DLGAP1: variants seen among roughly 807,000 people sequenced by gnomAD.
DLGAP1 encodes the protein DLG associated protein 1, also known as disks large-associated protein 1.
A neutral mutation model predicts 90.8 loss-of-function variants in DLGAP1; 11 were observed. That is an observed-to-expected ratio of 0.12 (90% CI 0.08 to 0.20). The LOEUF is 0.20. Ranked by LOEUF, DLGAP1 falls within the 10% of genes least tolerant of loss-of-function variation. DLGAP1 has a pLI of 1.00. For missense variants in DLGAP1, 1,050 were observed against 1,333.8 expected (o/e 0.79, Z 3.31); for synonymous variants, 558 against 540.7 (o/e 1.03, Z -0.44).
intron 7 of DLGAP1, among the ~76,000 whole-genome samples, chr18:3,585,180 C>T (rs917765896): frequency 1.1e-4 from 17 of 152,202 alleles, no homozygotes; most frequent in African/African-American, 2.9e-4. Flanking sequence ...GAGTCAGGAG[C>T]GAGCCAGCCA....
At chr18:4,336,078 T>A (rs1458563243) in intron 1 of DLGAP1, among the ~76,000 whole-genome samples, 5 of 152,216 alleles carry the variant, frequency 3.3e-5, no homozygotes. Context: ...CTGCCTGTTA[T>A]CACTATTAGC....
At chr18:3,639,093 C>T (rs891172350) in intron 7 of DLGAP1, among the ~76,000 whole-genome samples, 6 of 152,144 alleles carry the variant, frequency 3.9e-5, no homozygotes, top group East Asian at 1.9e-4. Context: ...CAGTGGCTCA[C>T]GCCTGTAATC....
chr18:4,129,992 T>C (rs768734207), intron 2 of DLGAP1, among the ~76,000 whole-genome samples: 1 of 152,180 alleles, frequency 6.6e-6, no homozygotes, highest in Non-Finnish European at 1.5e-5. Context: ...CATTATATTT[T>C]CTTAGAAAAA....
chr18:4,273,891 TTCTC>T lies in DLGAP1; in HGVS notation c.-266-122608_-266-122605del, dbSNP rs200406636. ...TTACTTCTGATTTTAGTAATTTGTC[TTCTC>T]TCTTTTTTTTCTTGATCATCAGTCT... is the stretch of plus-strand genomic sequence containing the variant. On this transcript the variant is annotated intron_variant, in intron 1 of 12. Transcript: ENST00000315677. Among the ~76,000 whole-genome samples, 991 of 142,316 alleles carry T rather than the reference TTCTC, an allele frequency of 7.0e-3. 7 individuals carry two copies. The highest frequency in any genetic ancestry group is 0.026 in the African/African-American group (899 of 35,046). The allele number at this position is 142,316 out of a possible 152,430, so 93.4% of individuals were successfully genotyped here.
rs1470245997 is a variant in DLGAP1, at chr18:3,953,639, A to G, written c.-73+51477T>C. 2.0e-5 allele frequency among the ~76,000 whole-genome samples: 3 copies of G among 152,328 alleles called. No homozygotes were observed. The East Asian group carries it at 5.8e-4, about 29-fold the overall frequency. ...CTTTGCTATTGTGATTAGCGCTGAG[A>G]TAAACATATAAGTGCAAGTATATTT... On this transcript the variant is annotated intron_variant, in intron 3 of 12. Transcript: ENST00000315677.
At chr18:4,233,244 G>C (rs960626898) in intron 1 of DLGAP1, among the ~76,000 whole-genome samples, 1 of 152,030 alleles carries the variant, frequency 6.6e-6, no homozygotes, top group African/African-American at 2.4e-5. Context: ...CCCTGGCCCC[G>C]ATCTAAGCCA....
chr18:3,546,406 C>T (rs1055571961), intron 9 of DLGAP1, among the ~76,000 whole-genome samples: 11 of 99,386 alleles, frequency 1.1e-4, no homozygotes, highest in East Asian at 3.0e-4. Context: ...CAGTGCCAAA[C>T]CTTGTCTCAA....
intron 3 of DLGAP1, among the ~76,000 whole-genome samples, chr18:3,965,042 C>T (rs2148992611): frequency 6.6e-6 from 1 of 152,182 alleles, no homozygotes; most frequent in Non-Finnish European, 1.5e-5. Flanking sequence ...GAGGGTGATT[C>T]CTGTTGTTTT....
At chr18:3,946,283 T>G (rs1312877804) in intron 3 of DLGAP1, among the ~76,000 whole-genome samples, 1 of 152,212 alleles carries the variant, frequency 6.6e-6, no homozygotes, top group Non-Finnish European at 1.5e-5. Flanking sequence ...TGGTCCAGTC[T>G]GACAATGTGG....
At chr18:4,078,453 C>T (rs772955330) in intron 2 of DLGAP1, among the ~76,000 whole-genome samples, 3 of 152,128 alleles carry the variant, frequency 2.0e-5, no homozygotes, top group South Asian at 2.1e-4. Context: ...TAGGAATGGA[C>T]GTTTTTAATA....
intron 3 of DLGAP1, among the ~76,000 whole-genome samples, chr18:3,893,872 C>G (rs922793408): frequency 1.3e-5 from 2 of 152,024 alleles, no homozygotes; most frequent in Non-Finnish European, 2.9e-5. Flanking sequence ...CATATCCTTG[C>G]CAACGTCTGT....
rs532716184 is a variant in DLGAP1, at chr18:4,102,848, T to C, written c.-159+48332A>G. On this transcript the variant is annotated intron_variant, in intron 2 of 12. Coordinates refer to ENST00000315677, the MANE Select transcript of DLGAP1 (RefSeq NM_004746.4). The stretch of plus-strand genomic sequence containing the variant: ...ATGTTTATTCCTGTGCCAACATTAG[T>C]GTTTTAATTTCTTTAACTTTATTCT... Among the ~76,000 whole-genome samples, 113 of 151,976 alleles carry C rather than the reference T, an allele frequency of 7.4e-4. 4 individuals carry two copies. In the South Asian group the frequency reaches 0.015, roughly 20 times the overall value.
chr18:3,523,872 G>A (rs867764361), intron 10 of DLGAP1, among the ~76,000 whole-genome samples: 3 of 149,660 alleles, frequency 2.0e-5, no homozygotes, highest in African/African-American at 7.4e-5. Context: ...GGAGGGCAAA[G>A]GTCCTTGACA....
At chr18:3,597,311 C>A in intron 7 of DLGAP1, 1 of 463,458 alleles carries the variant, frequency 2.2e-6, no homozygotes. Context: ...ACGCAACAGG[C>A]TATGAAGACT....
intron 7 of DLGAP1, among the ~76,000 whole-genome samples, chr18:3,624,041 C>A (rs1033986822): frequency 1.3e-5 from 2 of 152,140 alleles, no homozygotes; most frequent in African/African-American, 2.4e-5. Context: ...GGAAGTAAGG[C>A]ACATTTAGGC....
At chr18:4,275,821 T>G (rs76526622) in intron 1 of DLGAP1, among the ~76,000 whole-genome samples, 6,512 of 152,236 alleles carry the variant, frequency 0.043, 445 homozygotes, top group African/African-American at 0.15. Context: ...AATATAAAGT[T>G]GAGATACATA....
At position 4,370,031 on chromosome 18, in the gene DLGAP1, T is replaced by A. The variant is rs562134107; in HGVS notation, c.-267+84975A>T. On this transcript the variant is annotated intron_variant, in intron 1 of 12. Transcript: ENST00000315677. ...GCAAGACTGAAGGCGGGAAAACTAA[T>A]TAGGAAGCTAGAGCTTTAGACTGGA... 4.6e-5 allele frequency among the ~76,000 whole-genome samples: 7 copies of A among 151,980 alleles called. No individual in the cohort carries two copies. The South Asian group carries it at 1.5e-3, about 32-fold the overall frequency.
At chr18:3,597,812 G>C (rs2056668048) in intron 7 of DLGAP1, 1 of 154,272 alleles carries the variant, frequency 6.5e-6, no homozygotes, top group African/African-American at 2.4e-5. Flanking sequence ...GCACGATGAG[G>C]AATAATTACC....
chr18:3,596,029 T>G (rs116683571), intron 7 of DLGAP1, among the ~76,000 whole-genome samples: 1 of 152,304 alleles, frequency 6.6e-6, no homozygotes, highest in African/African-American at 2.4e-5. Flanking sequence ...GGTTACAGAA[T>G]TATATAAGGT....
Sources: gnomAD v4.1 joint callset for allele counts (sites outside exome capture counted in the v4.1 genomes callset) on GRCh38, gnomAD v4.1.1 for gene constraint, MANE v1.5 for transcripts, NCBI Gene and HGNC (gene_info 2026-07-23, HGNC 2026-07-21) for gene names.